Variants in TEC observed in about 807,000 individuals in gnomAD.
TEC encodes the protein tec protein tyrosine kinase, also known as tyrosine-protein kinase Tec.
In TEC, 72 loss-of-function variants were observed where a neutral mutation model predicts 93.0. That is an observed-to-expected ratio of 0.77 (90% CI 0.64 to 0.94). The LOEUF (loss-of-function observed/expected upper bound fraction) is 0.94, where lower values mean the gene tolerates loss of function less well. TEC is among the 40% of genes least tolerant of loss of function. TEC has a pLI of 0.00. For missense variants in TEC, 630 were observed against 757.9 expected (o/e 0.83, Z 1.98); for synonymous variants, 249 against 247.7 (o/e 1.01, Z -0.05).
intron 1 of TEC, among the ~76,000 whole-genome samples, chr4:48,266,980 G>A (rs565451377): frequency 1.2e-3 from 190 of 152,324 alleles, no homozygotes; most frequent in Non-Finnish European, 2.5e-3. Flanking sequence ...GAGGGAAAAA[G>A]AGAGCCAACT....
intron 7 of TEC, 97 bp downstream of exon 7, chr4:48,167,681 A>T: frequency 1.8e-6 from 2 of 1,113,570 alleles, no homozygotes; most frequent in Non-Finnish European, 2.6e-6. Flanking sequence ...TGGTGAAATT[A>T]GTCTCATTAC....
At chr4:48,247,905 T>C (rs1416443046) in intron 1 of TEC, among the ~76,000 whole-genome samples, 1 of 152,210 alleles carries the variant, frequency 6.6e-6, no homozygotes, top group Non-Finnish European at 1.5e-5. Flanking sequence ...ACAATACATG[T>C]ACAACATGTA....
rs1271070833 is a variant in TEC, at chr4:48,167,923, C to T, written c.526G>A (p.Glu176Lys). Residue 176 changes from glutamate to lysine, a missense_variant, in exon 7 of 18, where the codon GAA becomes AAA. Around this residue, in one of 3 missense-constraint regions of TEC, gnomAD observed 335 missense variants for 351.5 expected, o/e 0.95. Coordinates refer to ENST00000381501, the MANE Select transcript of TEC (RefSeq NM_003215.3). ...RRPPPPIPLE[E>K]EDNSEEIVVA... ...ACGATTTCTTCACTATTATCTTCTT[C>T]TTCTAGTGGAATTGGTGGGGGAGGC... 1.2e-6 allele frequency: 2 copies of T among 1,613,718 alleles called. No individual in the cohort carries two copies. The highest frequency in any genetic ancestry group is 3.3e-5 in the Admixed American group (2 of 59,986).
intron 2 of TEC, among the ~76,000 whole-genome samples, chr4:48,184,317 A>G (rs2109569948): frequency 6.6e-6 from 1 of 152,370 alleles, no homozygotes; most frequent in Middle Eastern, 3.4e-3. Flanking sequence ...GTATCATTTA[A>G]CTATGTGCAA....
chr4:48,172,765 A>G (rs1721166908), intron 3 of TEC, among the ~76,000 whole-genome samples: 1 of 152,214 alleles, frequency 6.6e-6, no homozygotes, highest in Non-Finnish European at 1.5e-5. Context: ...GTGAGCCATG[A>G]TATCAGAGCG....
In TEC at chr4:48,138,649, C is replaced by T. The variant is rs776410737; in HGVS notation, c.1812+16G>A. On this transcript the variant is annotated intron_variant, in intron 17 of 17. Coordinates refer to ENST00000381501, the MANE Select transcript of TEC (RefSeq NM_003215.3). ...CCCTAAGAGATTCAAAAAGAAAGCA[C>T]ACAAAAAATCTATACCTCCTGCCAA... 2.6e-5 allele frequency: 41 copies of T among 1,585,956 alleles called. No homozygotes were observed. The highest frequency in any genetic ancestry group is 3.3e-5 in the Non-Finnish European group (39 of 1,168,076).
At chr4:48,185,355 A>C (rs1345055028) in intron 2 of TEC, among the ~76,000 whole-genome samples, 1 of 152,214 alleles carries the variant, frequency 6.6e-6, no homozygotes, top group African/African-American at 2.4e-5. Flanking sequence ...GAAACGAAAA[A>C]AAGGATGGAT....
intron 2 of TEC, among the ~76,000 whole-genome samples, chr4:48,208,963 C>G (rs1185736438): frequency 6.6e-6 from 1 of 152,262 alleles, no homozygotes; most frequent in East Asian, 1.9e-4. Flanking sequence ...GGTTTGAATT[C>G]AATTATCCCA....
intron 9 of TEC, among the ~76,000 whole-genome samples, chr4:48,151,308 G>A (rs1720154810): frequency 6.6e-6 from 1 of 152,094 alleles, no homozygotes; most frequent in African/African-American, 2.4e-5. Context: ...ATGAAAAAAT[G>A]TATTTCTTAA....
chr4:48,238,196 G>A (rs1326397913), intron 1 of TEC, among the ~76,000 whole-genome samples: 1 of 152,124 alleles, frequency 6.6e-6, no homozygotes, highest in Non-Finnish European at 1.5e-5. Context: ...CCAGGATTAG[G>A]CAATGTTTTC....
intron 2 of TEC, among the ~76,000 whole-genome samples, chr4:48,179,359 TA>T (rs1560393119): frequency 1.3e-3 from 54 of 42,306 alleles, no homozygotes; most frequent in East Asian, 2.3e-3. Context: ...TATATATATA[TA>T]TATATATATA....
At chr4:48,246,733 C>T (rs1371926312) in intron 1 of TEC, among the ~76,000 whole-genome samples, 4 of 152,138 alleles carry the variant, frequency 2.6e-5, no homozygotes. Flanking sequence ...CTCTACCTCA[C>T]ACCATATACA....
At chr4:48,176,211 C>T (rs1387155169) in intron 2 of TEC, 25 bp from the exon 3 acceptor site, 2 of 1,540,768 alleles carry the variant, frequency 1.3e-6, no homozygotes, top group East Asian at 2.2e-5. Context: ...AAAGGAGAAA[C>T]ATTAGAATCA....
rs1299722346 is a variant in TEC at position 48,137,133 on chromosome 4, G to A, written c.*283C>T. 7 of 389,570 alleles carry A rather than the reference G, an allele frequency of 1.8e-5. No homozygotes were observed. Among genetic ancestry groups the A allele is most frequent in the Non-Finnish European group, 3.3e-5 (7 of 215,310 alleles). The allele number at this position is 389,570 out of a possible 1,614,324, so 24.1% of individuals were successfully genotyped here. On this transcript the variant is annotated 3_prime_UTR_variant, in exon 18 of 18. Coordinates refer to ENST00000381501, the MANE Select transcript of TEC (RefSeq NM_003215.3). Reference sequence around the variant, plus strand: ...GTGCACCCCTGAATGGCCAAACCCTGGGGCTACACACAGTGCCTGGTAAAC... The same window carrying A: ...GTGCACCCCTGAATGGCCAAACCCTAGGGCTACACACAGTGCCTGGTAAAC...
intron 2 of TEC, among the ~76,000 whole-genome samples, chr4:48,194,640 T>C (rs1722227053): frequency 6.6e-6 from 1 of 152,112 alleles, no homozygotes. Context: ...GAGTAGATGA[T>C]GAGAGTTGGG....
chr4:48,249,045 T>C (rs1158562167), intron 1 of TEC, among the ~76,000 whole-genome samples: 1 of 152,172 alleles, frequency 6.6e-6, no homozygotes, highest in Non-Finnish European at 1.5e-5. Context: ...AGAATAATAA[T>C]GTTTATGATA....
chr4:48,263,167 T>A (rs4478160), intron 1 of TEC, among the ~76,000 whole-genome samples: 1 of 152,104 alleles, frequency 6.6e-6, no homozygotes, highest in Non-Finnish European at 1.5e-5. Context: ...GGAACTTGGT[T>A]CACATTCCAA....
chr4:48,172,774 C>A lies in TEC; in HGVS notation c.244-1325G>T, dbSNP rs4695345. Among the ~76,000 whole-genome samples the A allele has an allele frequency of 5.9e-5, 9 of 152,098 alleles. No individual in the cohort carries two copies. In the East Asian group the frequency reaches 1.7e-3, roughly 29 times the overall value. ...CAGAAAGTGAGCCATGATATCAGAGCGATAAAGTGCTAAAGGAGATGTGAA... is the reference window on the plus strand; with the variant it reads ...CAGAAAGTGAGCCATGATATCAGAGAGATAAAGTGCTAAAGGAGATGTGAA... On this transcript the variant is annotated intron_variant, in intron 3 of 17. Transcript: ENST00000381501.
intron 1 of TEC, among the ~76,000 whole-genome samples, chr4:48,254,699 T>C (rs1724295243): frequency 6.6e-6 from 1 of 152,238 alleles, no homozygotes; most frequent in Non-Finnish European, 1.5e-5. Flanking sequence ...AAAGAGTAGG[T>C]TGACGAGTAA....
Sources: gnomAD v4.1 joint callset for allele counts (sites outside exome capture counted in the v4.1 genomes callset) on GRCh38, gnomAD v4.1.1 for gene constraint, gnomAD v4.1.1 regional missense constraint, MANE v1.5 for transcripts, NCBI Gene and HGNC (gene_info 2026-07-23, HGNC 2026-07-21) for gene names.